Variants in EYS observed in about 807,000 individuals in gnomAD.
EYS encodes EGF-like photoreceptor maintenance factor, also known as protein eyes shut homolog.
Under a neutral mutation model 282.1 loss-of-function variants are expected in EYS, and 250 were observed. The observed-to-expected ratio is 0.89, with a 90% CI of 0.80 to 0.98. EYS has a LOEUF of 0.98. Ranked by LOEUF, EYS falls within the 50% of genes least tolerant of loss-of-function variation. The pLI, the probability that EYS is intolerant of heterozygous loss-of-function variation, is 0.00. For missense variants in EYS, 4,016 were observed against 3,709.0 expected (o/e 1.08, Z -2.15); for synonymous variants, 1,355 against 1,282.9 (o/e 1.06, Z -1.20).
At chr6:63,872,706 G>T (rs531203921) in intron 35 of EYS, among the ~76,000 whole-genome samples, 2 of 152,056 alleles carry the variant, frequency 1.3e-5, no homozygotes, top group Admixed American at 6.6e-5. Flanking sequence ...CTCAACTCCT[G>T]ACCTCAGGTG....
intron 1 of EYS, among the ~76,000 whole-genome samples, chr6:65,688,946 C>G (rs1452519601): frequency 6.6e-6 from 1 of 151,480 alleles, no homozygotes; most frequent in Non-Finnish European, 1.5e-5. Flanking sequence ...CTAGTTCAAC[C>G]ATTGTGGAAG....
chr6:64,692,974 G>C (rs1052737281), intron 22 of EYS, among the ~76,000 whole-genome samples: 1 of 12,768 alleles, frequency 7.8e-5, no homozygotes, highest in Non-Finnish European at 3.2e-4. Context: ...TTGGCTGCTT[G>C]GGCTTTTTTT....
At chr6:65,512,053 T>C (rs1181037013) in intron 2 of EYS, among the ~76,000 whole-genome samples, 1 of 151,108 alleles carries the variant, frequency 6.6e-6, no homozygotes. Context: ...AAATTGAAAT[T>C]GAGGATTCAA....
At chr6:63,859,189 C>T (rs1444733746) in intron 36 of EYS, among the ~76,000 whole-genome samples, 1 of 144,160 alleles carries the variant, frequency 6.9e-6, no homozygotes, top group Non-Finnish European at 1.5e-5. Context: ...AAGGATCCTA[C>T]TTTGACCACC....
chr6:64,919,419 C>CTTTTTTTTTTTTTTTTTT (rs370375636), intron 15 of EYS, among the ~76,000 whole-genome samples: 1 of 135,510 alleles, frequency 7.4e-6, no homozygotes, highest in African/African-American at 2.7e-5. Context: ...TTCTTTTTTT[C>CTTTTTTTTTTTTTTTTTT]TTTTTTTTTT....
intron 6 of EYS, among the ~76,000 whole-genome samples, chr6:65,404,751 G>C (rs1445391907): frequency 6.6e-6 from 1 of 151,870 alleles, no homozygotes; most frequent in Non-Finnish European, 1.5e-5. Flanking sequence ...AAAAAGTTTA[G>C]GAGGTTGGAA....
chr6:65,448,896 G>T lies in EYS; in HGVS notation c.862+41698C>A, dbSNP rs539868159. ...CATTCAAGAAGGCTGTGTTCACAAT[G>T]TATGATTCTTTTCAACATGATTACA... On this transcript the variant is annotated intron_variant, in intron 5 of 42. Coordinates refer to ENST00000503581, the MANE Select transcript of EYS (RefSeq NM_001142800.2). Among the ~76,000 whole-genome samples, 13 of 152,156 alleles carry T rather than the reference G, an allele frequency of 8.5e-5. No homozygotes were observed. In the East Asian group the frequency reaches 2.5e-3, roughly 29 times the overall value.
chr6:64,092,086 A>AT (rs1226420690), intron 31 of EYS, among the ~76,000 whole-genome samples: 3 of 152,092 alleles, frequency 2.0e-5, no homozygotes, highest in African/African-American at 2.4e-5. Context: ...TGAACTTATC[A>AT]TTTTTTATGG....
intron 35 of EYS, among the ~76,000 whole-genome samples, chr6:63,866,838 A>T (rs918664134): frequency 1.3e-5 from 2 of 152,210 alleles, no homozygotes; most frequent in African/African-American, 2.4e-5. Context: ...GCTTTACTCA[A>T]TTGAGATGTT....
At chr6:65,357,082 C>G (rs192928452) in intron 8 of EYS, among the ~76,000 whole-genome samples, 1 of 151,922 alleles carries the variant, frequency 6.6e-6, no homozygotes, top group African/African-American at 2.4e-5. Flanking sequence ...TACAACTGAG[C>G]CATTAATCTT....
At chr6:64,474,715 T>A (rs936524639) in intron 26 of EYS, among the ~76,000 whole-genome samples, 20 of 152,194 alleles carry the variant, frequency 1.3e-4, no homozygotes, top group African/African-American at 4.8e-4. Context: ...TGTAGCATGG[T>A]TAGTACTCAA....
chr6:64,789,969 T>C (rs1005898046), intron 22 of EYS, among the ~76,000 whole-genome samples: 2 of 151,892 alleles, frequency 1.3e-5, no homozygotes, highest in African/African-American at 4.8e-5. Context: ...GGAAGCAATA[T>C]ATCATTAGAT....
chr6:65,699,988 G>T (rs9453368), intron 1 of EYS, among the ~76,000 whole-genome samples: 30,667 of 150,890 alleles, frequency 0.2, 3,471 homozygotes, highest in African/African-American at 0.32. Flanking sequence ...GGTGGCGGGC[G>T]CCTGTAGTCC....
chr6:64,271,696 A>G (rs1227318856), intron 30 of EYS, among the ~76,000 whole-genome samples: 1 of 117,908 alleles, frequency 8.5e-6, no homozygotes, highest in Non-Finnish European at 1.8e-5. Flanking sequence ...GGTGGGATCA[A>G]ATTTTGTATT....
intron 1 of EYS, among the ~76,000 whole-genome samples, chr6:65,653,089 G>C (rs1207627531): frequency 6.6e-6 from 1 of 151,888 alleles, no homozygotes; most frequent in Non-Finnish European, 1.5e-5. Flanking sequence ...AGCCACAAAG[G>C]ATACACAGAT....
chr6:65,147,751 C>A (rs1354954334), intron 12 of EYS, among the ~76,000 whole-genome samples: 1 of 151,956 alleles, frequency 6.6e-6, no homozygotes, highest in Non-Finnish European at 1.5e-5. Context: ...AAGAAATACC[C>A]AAGACTGGGT....
intron 33 of EYS, among the ~76,000 whole-genome samples, chr6:64,043,479 T>C (rs1258420392): frequency 6.6e-6 from 1 of 152,244 alleles, no homozygotes; most frequent in East Asian, 1.9e-4. Context: ...CTTCCCACCA[T>C]TACTTTTGTG....
chr6:65,698,053 G>A (rs370227090), intron 1 of EYS, among the ~76,000 whole-genome samples: 38 of 152,214 alleles, frequency 2.5e-4, no homozygotes, highest in African/African-American at 8.4e-4. Context: ...TGTGTGTCAG[G>A]GTGGGAGGGA....
chr6:64,747,289 C>A (rs1583108920), intron 22 of EYS, among the ~76,000 whole-genome samples: 1 of 152,088 alleles, frequency 6.6e-6, no homozygotes, highest in Admixed American at 6.6e-5. Flanking sequence ...TATTTGAAAT[C>A]TTTTCTCTTC....
Sources: gnomAD v4.1 joint callset for allele counts (sites outside exome capture counted in the v4.1 genomes callset) on GRCh38, gnomAD v4.1.1 for gene constraint, MANE v1.5 for transcripts, NCBI Gene and HGNC (gene_info 2026-07-23, HGNC 2026-07-21) for gene names.